The following INSL6 variants were observed in gnomAD, a reference collection of about 807,000 sequenced individuals.
INSL6 encodes insulin-like peptide INSL6.
A neutral mutation model predicts 9.4 loss-of-function variants in INSL6; 16 were observed. That is an observed-to-expected ratio of 1.70 (90% CI 1.15 to 2.59). The LOEUF is 2.59. INSL6 is among the 30% of genes most tolerant of loss of function. The pLI, the probability that INSL6 is intolerant of heterozygous loss-of-function variation, is 0.00. For missense variants in INSL6, 391 were observed against 257.3 expected (o/e 1.52, Z -3.56); for synonymous variants, 154 against 96.9 (o/e 1.59, Z -3.46).
the INSL6 span, among the ~76,000 whole-genome samples, chr9:5,105,026 C>A: frequency 5.6e-4 from 85 of 152,296 alleles, no homozygotes; most frequent in African/African-American, 1.8e-3. Flanking sequence ...TGTCACCATT[C>A]CTATTCAACA....
At chr9:5,112,463 C>A in the INSL6 span, 1 of 543,890 alleles carries the variant, frequency 1.8e-6, no homozygotes, top group Non-Finnish European at 3.3e-6. Flanking sequence ...CTGAAGGACC[C>A]CCGGGACCGG....
chr9:5,007,373 CG>C, the INSL6 span, among the ~76,000 whole-genome samples: 2 of 151,968 alleles, frequency 1.3e-5, no homozygotes, highest in East Asian at 3.9e-4. Flanking sequence ...CAAATATATG[CG>C]GGTTTCTAGT....
At chr9:5,156,000 A>G (rs1034927845) in intron 2 of INSL6, among the ~76,000 whole-genome samples, 1 of 152,198 alleles carries the variant, frequency 6.6e-6, no homozygotes, top group Admixed American at 6.5e-5. Context: ...ACCACACATT[A>G]TCAAAATCAG....
chr9:5,121,302 A>C (rs1823602184), downstream of INSL6, among the ~76,000 whole-genome samples: 1 of 152,182 alleles, frequency 6.6e-6, no homozygotes, highest in Non-Finnish European at 1.5e-5. Flanking sequence ...AGCCAACCTG[A>C]TATAACCCCT....
the INSL6 span, among the ~76,000 whole-genome samples, chr9:5,000,856 G>A: frequency 4.1e-4 from 63 of 152,262 alleles, no homozygotes; most frequent in East Asian, 5.2e-3. Flanking sequence ...ACTTGATAAC[G>A]TATTGGTTGG....
chr9:5,182,540 A>C (rs1417640756), intron 1 of INSL6, among the ~76,000 whole-genome samples: 2 of 152,096 alleles, frequency 1.3e-5, no homozygotes, highest in Non-Finnish European at 2.9e-5. Flanking sequence ...CATCCCAATC[A>C]CCAAGAAGAG....
chr9:4,992,201 T>A, the INSL6 span, among the ~76,000 whole-genome samples: 2 of 152,206 alleles, frequency 1.3e-5, no homozygotes, highest in Non-Finnish European at 2.9e-5. Flanking sequence ...ACTGGGATGT[T>A]AGCTGGGCTG....
intron 2 of INSL6, among the ~76,000 whole-genome samples, chr9:5,137,618 C>T (rs1824410457): frequency 1.3e-5 from 2 of 152,108 alleles, no homozygotes; most frequent in African/African-American, 4.8e-5. Context: ...AAATATAAGA[C>T]CTAAATCCAT....
At chr9:5,160,500 C>A (rs1387772212), downstream of INSL6, among the ~76,000 whole-genome samples, 1 of 151,970 alleles carries the variant, frequency 6.6e-6, no homozygotes, top group Non-Finnish European at 1.5e-5. Context: ...ATCAGAAAGG[C>A]AAAACTTTAA....
chr9:5,080,092 T>C, the INSL6 span: 2 of 608,420 alleles, frequency 3.3e-6, no homozygotes, highest in Non-Finnish European at 5.6e-6. Context: ...GTCATGTGCA[T>C]GTGCACATCC....
chr9:5,101,454 G>A, the INSL6 span, among the ~76,000 whole-genome samples: 3 of 152,246 alleles, frequency 2.0e-5, no homozygotes, highest in African/African-American at 4.8e-5. Flanking sequence ...CTGGGGGCAG[G>A]GCATAGCTGA....
chr9:5,169,748 C>T (rs1368592063), intron 1 of INSL6, among the ~76,000 whole-genome samples: 1 of 152,106 alleles, frequency 6.6e-6, no homozygotes, highest in East Asian at 1.9e-4. Context: ...AGACTTTAAA[C>T]CAACGAAGAT....
chr9:4,995,431 A>G, the INSL6 span, among the ~76,000 whole-genome samples: 1 of 152,218 alleles, frequency 6.6e-6, no homozygotes, highest in Non-Finnish European at 1.5e-5. Flanking sequence ...TCTGGAATTT[A>G]TACTGATGCA....
chr9:5,131,317 A>G (rs1824276084), intron 3 of INSL6, among the ~76,000 whole-genome samples: 1 of 152,126 alleles, frequency 6.6e-6, no homozygotes, highest in South Asian at 2.1e-4. Context: ...TTATGTCCTT[A>G]GTAACATTTA....
At chr9:5,069,131 A>C in the INSL6 span, 4 of 1,613,250 alleles carry the variant, frequency 2.5e-6, no homozygotes, top group African/African-American at 5.3e-5. Flanking sequence ...GATCTTTTGA[A>C]TTGTTACCAG....
chr9:5,128,076 GGTTTTGTGTGT>G (rs955080707), intron 3 of INSL6: 3 of 183,666 alleles, frequency 1.6e-5, no homozygotes, highest in African/African-American at 9.4e-5. Flanking sequence ...AAATATGGTG[GGTTTTGTGTGT>G]GTGTGTGTGT....
At chr9:4,999,820 CATTA>C in the INSL6 span, among the ~76,000 whole-genome samples, 1 of 152,136 alleles carries the variant, frequency 6.6e-6, no homozygotes, top group African/African-American at 2.4e-5. Flanking sequence ...CCTTTAATGT[CATTA>C]ATTTTTTCCC....
At chr9:5,126,482 T>TTTTC in intron 3 of INSL6, 1 of 1,404,790 alleles carries the variant, frequency 7.1e-7, no homozygotes, top group Non-Finnish European at 1.0e-6. Flanking sequence ...TAGTCATGCA[T>TTTTC]TTTCTTTTAC....
chr9:5,174,078 C>A (rs1471675107), intron 1 of INSL6, among the ~76,000 whole-genome samples: 1 of 152,224 alleles, frequency 6.6e-6, no homozygotes, highest in African/African-American at 2.4e-5. Flanking sequence ...CATCTCTCCT[C>A]TTGCCTACCC....
Sources: gnomAD v4.1 joint callset for allele counts (sites outside exome capture counted in the v4.1 genomes callset) on GRCh38, gnomAD v4.1.1 for gene constraint, MANE v1.5 for transcripts, NCBI Gene and HGNC (gene_info 2026-07-23, HGNC 2026-07-21) for gene names.